Variants in GADD45GIP1 observed in about 807,000 individuals in gnomAD.
GADD45GIP1 encodes GADD45G interacting protein 1.
GADD45GIP1 carries 17 observed loss-of-function variants against 22.1 expected under a neutral mutation model. The observed-to-expected ratio is 0.77, with a 90% CI of 0.53 to 1.15. The LOEUF (loss-of-function observed/expected upper bound fraction) is 1.15, where lower values mean the gene tolerates loss of function less well. Ranked by LOEUF, GADD45GIP1 falls within the 50% of genes most tolerant of loss-of-function variation. The pLI, the probability that GADD45GIP1 is intolerant of heterozygous loss-of-function variation, is 0.00. For missense variants in GADD45GIP1, 294 were observed against 314.0 expected, an observed-to-expected ratio of 0.94 and a Z score of 0.48; for synonymous variants, 135 against 138.4, an observed-to-expected ratio of 0.98 and a Z score of 0.17.
chr19:12,953,134 GTTTA>G lies in GADD45GIP1; in HGVS notation c.*1070_*1073del, dbSNP rs1450969252. 10 of 843,330 alleles carry G rather than the reference GTTTA, an allele frequency of 1.2e-5. No homozygotes were observed. Among genetic ancestry groups the G allele is most frequent in the South Asian group, 4.2e-5 (2 of 47,742 alleles). 52.2% of individuals were successfully genotyped at this position (843,330 alleles called of 1,614,324 possible). ...AAAGAAAAAATATATATATATTCAT[GTTTA>G]TTTAAGAAATGGAAAAAAAAATCAA... On this transcript the variant is annotated 3_prime_UTR_variant, in exon 2 of 2. Coordinates refer to ENST00000316939, the MANE Select transcript of GADD45GIP1 (RefSeq NM_052850.4).
Position 12,956,968 on chromosome 19 carries a change from A to T in GADD45GIP1, c.245T>A (p.Leu82Gln), listed in dbSNP as rs766367899. ...GCGTTCTTCGGCCTCCAGCTCCCGC[A>T]GCTGCTCCGGCGACGGCCATAACGA... is the stretch of plus-strand genomic sequence containing the variant. ...PGSLWPSPEQ[L>Q]RELEAEEREW... Residue 82 changes from leucine (L) to glutamine (Q), a missense_variant, in exon 1 of 2, where the codon CTG (leucine) becomes CAG (glutamine). Coordinates refer to ENST00000316939, the MANE Select transcript of GADD45GIP1 (RefSeq NM_052850.4). The T allele has an allele frequency of 1.3e-6, 2 of 1,599,168 alleles. No individual in the cohort carries two copies. Among genetic ancestry groups the T allele is most frequent in the East Asian group, 4.5e-5 (2 of 44,842 alleles).
chr19:12,957,017 C>T lies in GADD45GIP1; in HGVS notation c.196G>A (p.Ala66Thr). ...GAACCGGGGACCACCCCGGAGGCGG[C>T]GCCGTAACGCGCGAACTGCTTAGCC... ...YAAKQFARYG[A>T]ASGVVPGSLW... is the part of the protein sequence containing the mutation. Residue 66 changes from alanine (A) to threonine (T), a missense_variant, in exon 1 of 2, where the codon GCC (alanine) becomes ACC (threonine). Ala to Thr is a moderately conservative substitution (Grantham distance 58). Coordinates refer to ENST00000316939, the MANE Select transcript of GADD45GIP1 (RefSeq NM_052850.4). 1.3e-6 allele frequency: 2 copies of T among 1,596,848 alleles called. No homozygotes were observed. Among genetic ancestry groups the T allele is most frequent in the Non-Finnish European group, 1.7e-6 (2 of 1,178,716 alleles).
rs769038600 is a variant in GADD45GIP1, at chr19:12,956,836, GC to G, written c.350+26del. 414 of 1,587,422 alleles carry G rather than the reference GC, an allele frequency of 2.6e-4. 1 individual carries two copies. The highest frequency in any genetic ancestry group is 3.4e-4 in the Admixed American group (20 of 59,386). ...GTTCGCCCACGGGGCACAGAGGGCA[GC>G]CCCGCGTCTGCCTGCACGCACGCAC... On this transcript the variant is annotated intron_variant, in intron 1 of 1. Coordinates refer to ENST00000316939, the MANE Select transcript of GADD45GIP1 (RefSeq NM_052850.4).
chr19:12,956,964 C>T lies in GADD45GIP1; in HGVS notation c.249G>A (p.Arg83=). Residue 83 remains arginine (R), a synonymous_variant, in exon 1 of 2, where the codon CGG becomes CGA. Coordinates refer to ENST00000316939, the MANE Select transcript of GADD45GIP1 (RefSeq NM_052850.4). ...GSLWPSPEQL[R]ELEAEEREWY... Reference sequence around the variant, plus strand: ...ATTCGCGTTCTTCGGCCTCCAGCTCCCGCAGCTGCTCCGGCGACGGCCATA... The same window carrying T: ...ATTCGCGTTCTTCGGCCTCCAGCTCTCGCAGCTGCTCCGGCGACGGCCATA... 6 of 1,599,268 alleles carry T rather than the reference C, an allele frequency of 3.8e-6. No individual in the cohort carries two copies. The highest frequency in any genetic ancestry group is 5.1e-6 in the Non-Finnish European group (6 of 1,179,718).
chr19:12,954,595 C>A, intron 1 of GADD45GIP1, 69 bp from the exon 2 acceptor site: 4 of 1,352,160 alleles, frequency 3.0e-6, no homozygotes, highest in Non-Finnish European at 4.0e-6. Context: ...ACCCATATCT[C>A]ACCCATAGGC....
chr19:12,957,033 C>A lies in GADD45GIP1; in HGVS notation c.180G>T (p.Gln60His), dbSNP rs1276453565. The A allele has an allele frequency of 3.1e-6, 5 of 1,595,112 alleles. No individual in the cohort carries two copies. Among genetic ancestry groups the A allele is most frequent in the Admixed American group, 1.7e-5 (1 of 59,350 alleles). ...CGGAGGCGGCGCCGTAACGCGCGAA[C>A]TGCTTAGCCGCGTAGCGCGGTCCCA... Reference protein sequence around the residue: ...WQLGPRYAAKQFARYGAASGV... With the variant: ...WQLGPRYAAKHFARYGAASGV... The change falls in exon 1 of 2, where the codon CAG (glutamine) becomes CAT (histidine). Residue 60 changes from glutamine (Q) to histidine (H), a missense_variant. Gln to His is a conservative substitution (Grantham distance 24, BLOSUM62 0). Transcript: ENST00000316939.
Position 12,954,223 on chromosome 19 carries a change from C to G in GADD45GIP1, c.654G>C (p.Gly218=), listed in dbSNP as rs147715379. The change falls in exon 2 of 2, where the codon GGG becomes GGC. Residue 218 remains glycine, a synonymous_variant. Coordinates refer to ENST00000316939, the MANE Select transcript of GADD45GIP1 (RefSeq NM_052850.4). ...GGACAAAGCCTCAGGAGCTGGGTGC[C>G]CCAGAGGCTGCTGGGTCTTGAGCCA... is the stretch of plus-strand genomic sequence containing the variant. ...AAVAQDPAAS[G]APSS 2.5e-6 allele frequency: 4 copies of G among 1,613,380 alleles called. No homozygotes were observed. In the African/African-American group the frequency reaches 5.3e-5, roughly 22 times the overall value.
At position 12,957,213 on chromosome 19, in the gene GADD45GIP1, C is replaced by G; in HGVS notation, c.-1G>C. The G allele has an allele frequency of 3.6e-6, 5 of 1,391,244 alleles. No individual in the cohort carries two copies. The highest frequency in any genetic ancestry group is 4.6e-6 in the Non-Finnish European group (5 of 1,081,988). 86.2% of individuals were successfully genotyped at this position (1,391,244 alleles called of 1,614,324 possible). A position where few individuals can be genotyped will look rare whatever the true frequency, so the allele number is the denominator to read the frequency against. Reference sequence around the variant, plus strand: ...GTGCCTGTCGCACGGACGCCGCCATCTTGGCTGTGCGGGGTCCTCACAGGC... The same window carrying G: ...GTGCCTGTCGCACGGACGCCGCCATGTTGGCTGTGCGGGGTCCTCACAGGC... On this transcript the variant is annotated 5_prime_UTR_variant, in exon 1 of 2. Coordinates refer to ENST00000316939, the MANE Select transcript of GADD45GIP1 (RefSeq NM_052850.4).
At position 12,953,328 on chromosome 19, in the gene GADD45GIP1, CTG is replaced by C. The variant is rs1971867325; in HGVS notation, c.*878_*879del. On this transcript the variant is annotated 3_prime_UTR_variant, in exon 2 of 2. Transcript: ENST00000316939. The stretch of plus-strand genomic sequence containing the variant: ...GCGACAGATGGGCCCCTCTTGGCCT[CTG>C]TCCCAGCTCTCTGCAGCCAGACGGA... 1 of 273,882 alleles carries C rather than the reference CTG, an allele frequency of 3.7e-6. No homozygotes were observed. The highest frequency in any genetic ancestry group is 2.2e-5 in the African/African-American group (1 of 45,346). The allele number at this position is 273,882 out of a possible 1,614,324, so 17.0% of individuals were successfully genotyped here. A position where few individuals can be genotyped will look rare whatever the true frequency, so the allele number is the denominator to read the frequency against.
In GADD45GIP1 at chr19:12,956,856, C is replaced by T. The variant is rs1971929982; in HGVS notation, c.350+7G>A. On this transcript the variant is annotated splice_region_variant and intron_variant, in intron 1 of 1. Transcript: ENST00000316939. The stretch of plus-strand genomic sequence containing the variant: ...GGGCAGCCCCGCGTCTGCCTGCACG[C>T]ACGCACCTCTCCCGACGCTTCTGCT... 1 of 1,595,760 alleles carries T rather than the reference C, an allele frequency of 6.3e-7. No individual in the cohort carries two copies.
chr19:12,957,078 G>A lies in GADD45GIP1; in HGVS notation c.135C>T (p.Leu45=), dbSNP rs1971934246. The part of the protein sequence containing the change: ...PGPRWPDPED[L]LTPRWQLGPR... ...GTCCCAGCTGCCACCGCGGGGTCAG[G>A]AGGTCCTCGGGGTCTGGCCACCGGG... Residue 45 remains leucine, a synonymous_variant, in exon 1 of 2, where the codon CTC becomes CTT. Coordinates refer to ENST00000316939, the MANE Select transcript of GADD45GIP1 (RefSeq NM_052850.4). 6.5e-7 allele frequency: 1 copy of A among 1,548,034 alleles called. No homozygotes were observed. The highest frequency in any genetic ancestry group is 1.4e-5 in the African/African-American group (1 of 71,878).
At chr19:12,955,776 T>C (rs1971916598) in intron 1 of GADD45GIP1, among the ~76,000 whole-genome samples, 4 of 151,922 alleles carry the variant, frequency 2.6e-5, no homozygotes, top group Admixed American at 2.6e-4. Context: ...CAGGAGAATC[T>C]CTTGATCCTG....
In GADD45GIP1 at chr19:12,956,914, T is replaced by G. The variant is rs1971930884; in HGVS notation, c.299A>C (p.Gln100Pro). 3 of 1,599,856 alleles carry G rather than the reference T, an allele frequency of 1.9e-6. No homozygotes were observed. Among genetic ancestry groups the G allele is most frequent in the Non-Finnish European group, 2.5e-6 (3 of 1,179,804 alleles). ...REWYPSLATM[Q>P]ESLRVKQLAE... Reference sequence around the variant, plus strand: ...CAGCTGCTTCACCCGCAGCGACTCCTGCATGGTCGCCAGGCTCGGGTACCA... The same window carrying G: ...CAGCTGCTTCACCCGCAGCGACTCCGGCATGGTCGCCAGGCTCGGGTACCA... Residue 100 changes from glutamine (Q) to proline (P), a missense_variant, in exon 1 of 2, where the codon CAG (glutamine) becomes CCG (proline). Gln to Pro is a moderately conservative substitution (Grantham distance 76, BLOSUM62 -1). Transcript: ENST00000316939.
chr19:12,954,294 G>C lies in GADD45GIP1; in HGVS notation c.583C>G (p.Gln195Glu). 1 of 1,614,172 alleles carries C rather than the reference G, an allele frequency of 6.2e-7. No homozygotes were observed. Among genetic ancestry groups the C allele is most frequent in the Non-Finnish European group, 8.5e-7 (1 of 1,180,028 alleles). ...GCTCGCGCCTCCTTCTTCCGTTTCT[G>C]TTTTTCCTCCTTGAGGCGCTTGCGC... ...KERKRLKEEK[Q>E]KRKKEARAAA... is the part of the protein sequence containing the mutation. The change falls in exon 2 of 2, where the codon CAG (glutamine) becomes GAG (glutamate). Residue 195 changes from glutamine to glutamate, a missense_variant. Physicochemically the swap from Gln to Glu is conservative, Grantham distance 29 (BLOSUM62 2). Coordinates refer to ENST00000316939, the MANE Select transcript of GADD45GIP1 (RefSeq NM_052850.4).
rs1971890913 is a variant in GADD45GIP1 at position 12,954,108 on chromosome 19, G to A, written c.*100C>T. 1 of 1,028,576 alleles carries A rather than the reference G, an allele frequency of 9.7e-7. No homozygotes were observed. The highest frequency in any genetic ancestry group is 2.4e-5 in the East Asian group (1 of 42,034). The allele number at this position is 1,028,576 out of a possible 1,614,324, so 63.7% of individuals were successfully genotyped here. A position where few individuals can be genotyped will look rare whatever the true frequency, so the allele number is the denominator to read the frequency against. On this transcript the variant is annotated 3_prime_UTR_variant, in exon 2 of 2. Transcript: ENST00000316939. ...GGGATTCCCCAGCTCTTAAGTATTG[G>A]GGGAGGAACCAGGGGACCCAGAGAG...
chr19:12,956,945 G>C lies in GADD45GIP1; in HGVS notation c.268C>G (p.Arg90Gly), dbSNP rs1182272418. 1 of 1,599,340 alleles carries C rather than the reference G, an allele frequency of 6.3e-7. No homozygotes were observed. The highest frequency in any genetic ancestry group is 8.5e-7 in the Non-Finnish European group (1 of 1,179,760). The change falls in exon 1 of 2, where the codon CGC (arginine) becomes GGC (glycine). Residue 90 changes from arginine to glycine, a missense_variant. By Grantham distance (125) the Arg-to-Gly change is moderately radical. Coordinates refer to ENST00000316939, the MANE Select transcript of GADD45GIP1 (RefSeq NM_052850.4). ...EQLRELEAEE[R>G]EWYPSLATMQ... ...GTCGCCAGGCTCGGGTACCATTCGC[G>C]TTCTTCGGCCTCCAGCTCCCGCAGC...
In GADD45GIP1 at chr19:12,956,908, G is replaced by A; in HGVS notation, c.305C>T (p.Ser102Leu). The A allele has an allele frequency of 2.5e-6, 4 of 1,599,712 alleles. No individual in the cohort carries two copies. The highest frequency in any genetic ancestry group is 2.2e-5 in the South Asian group (2 of 90,998). ...WYPSLATMQESLRVKQLAEEQ... is the reference protein window; with the variant it reads ...WYPSLATMQELLRVKQLAEEQ... ...TTCGGCCAGCTGCTTCACCCGCAGC[G>A]ACTCCTGCATGGTCGCCAGGCTCGG... Residue 102 changes from serine (S) to leucine (L), a missense_variant, in exon 1 of 2, where the codon TCG (serine) becomes TTG (leucine). Physicochemically the swap from Ser to Leu is moderately radical, Grantham distance 145 (BLOSUM62 -2). Coordinates refer to ENST00000316939, the MANE Select transcript of GADD45GIP1 (RefSeq NM_052850.4).
Position 12,953,935 on chromosome 19 carries a change from T to G in GADD45GIP1, c.*273A>C. 2.5e-6 allele frequency: 1 copy of G among 399,504 alleles called. No homozygotes were observed. 24.7% of individuals were successfully genotyped at this position (399,504 alleles called of 1,614,324 possible). On this transcript the variant is annotated 3_prime_UTR_variant, in exon 2 of 2. Coordinates refer to ENST00000316939, the MANE Select transcript of GADD45GIP1 (RefSeq NM_052850.4). The stretch of plus-strand genomic sequence containing the variant: ...CTTGTAATTGGCTAATTACTGGAGA[T>G]GAATGTTGGTAAACAGAAGCCTTCT...
In GADD45GIP1 at chr19:12,954,516, T is replaced by C. The variant is rs757140081; in HGVS notation, c.361A>G (p.Ile121Val). Reference sequence around the variant, plus strand: ...GGCATCTTGGCCATGCACTCTGCGATGTGCTGCTCCCTGCAGGGGAGGGAG... The same window carrying C: ...GGCATCTTGGCCATGCACTCTGCGACGTGCTGCTCCCTGCAGGGGAGGGAG... ...EQKRREREQH[I>V]AECMAKMPQM... Residue 121 changes from isoleucine to valine, a missense_variant, in exon 2 of 2, where the codon ATC becomes GTC. By Grantham distance (29) the Ile-to-Val change is conservative (BLOSUM62 3). Coordinates refer to ENST00000316939, the MANE Select transcript of GADD45GIP1 (RefSeq NM_052850.4). 4 of 1,611,362 alleles carry C rather than the reference T, an allele frequency of 2.5e-6. No individual in the cohort carries two copies. In the African/African-American group the frequency reaches 4.0e-5, roughly 16 times the overall value.
Sources: allele counts gnomAD v4.1 joint callset (sites outside exome capture counted in the v4.1 genomes callset), GRCh38; gene constraint gnomAD v4.1.1; transcripts MANE v1.5; gene names NCBI Gene and HGNC (gene_info 2026-07-23, HGNC 2026-07-21).